Variants in NLRP14 observed in about 807,000 individuals in gnomAD.
NLRP14 encodes the protein NACHT, LRR and PYD domains-containing protein 14.
A neutral mutation model predicts 94.7 loss-of-function variants in NLRP14; 105 were observed. That is an observed-to-expected ratio of 1.11 (90% confidence interval 0.95 to 1.30). The LOEUF is 1.30. Among genes scored for constraint, NLRP14 ranks in the 50% most tolerant of loss-of-function variants. The pLI is 0.00. For synonymous variants in NLRP14, 508 were observed against 459.9 expected (o/e 1.10, Z -1.34); for missense variants, 1,362 against 1,254.1 (o/e 1.09, Z -1.30).
chr11:7,047,317 CG>C (rs372452440), intron 5 of NLRP14, among the ~76,000 whole-genome samples: 27,646 of 59,046 alleles, frequency 0.47, 3,002 homozygotes, highest in Middle Eastern at 0.56. Flanking sequence ...GTACCCCTTT[CG>C]TTTTTTTTTT....
Position 7,043,856 on chromosome 11 carries a change from T to C in NLRP14, c.1830T>C (p.Cys610=). ...TCCCAAAGGTTGCCATTAATATTTG[T>C]GAGAAAATACATTTGCTTGTATCTT... is the stretch of plus-strand genomic sequence containing the variant. ...RCFPKVAINI[C]EKIHLLVSSF... The change falls in exon 4 of 12, where the codon TGT becomes TGC. Residue 610 remains cysteine, a synonymous_variant. Coordinates refer to ENST00000299481, the MANE Select transcript of NLRP14 (RefSeq NM_176822.4). 1 of 1,614,236 alleles carries C rather than the reference T, an allele frequency of 6.2e-7. No homozygotes were observed. Among genetic ancestry groups the C allele is most frequent in the Non-Finnish European group, 8.5e-7 (1 of 1,180,030 alleles).
chr11:7,083,471 T>A, the NLRP14 span, among the ~76,000 whole-genome samples: 1 of 152,200 alleles, frequency 6.6e-6, no homozygotes, highest in Admixed American at 6.5e-5. Flanking sequence ...TTTGCATCTA[T>A]CACATGGTAA....
At chr11:7,025,554 A>G (rs1157520931) in intron 1 of NLRP14, among the ~76,000 whole-genome samples, 1 of 152,208 alleles carries the variant, frequency 6.6e-6, no homozygotes, top group Non-Finnish European at 1.5e-5. Context: ...ATTATTAGTC[A>G]TTATGCTAAA....
At chr11:7,021,232 A>G (rs75009792) in intron 1 of NLRP14, among the ~76,000 whole-genome samples, 5,397 of 152,338 alleles carry the variant, frequency 0.035, 151 homozygotes, top group East Asian at 0.13. Context: ...CAATAATAAT[A>G]GTAACTATGT....
At chr11:7,034,300 C>T (rs1368828809) in intron 1 of NLRP14, among the ~76,000 whole-genome samples, 4 of 152,162 alleles carry the variant, frequency 2.6e-5, no homozygotes, top group Admixed American at 2.6e-4. Flanking sequence ...ATCAGGAGCT[C>T]TTTCTGGTTT....
intron 8 of NLRP14, 80 bp downstream of exon 8, chr11:7,058,530 C>A: frequency 9.4e-7 from 1 of 1,065,528 alleles, no homozygotes; most frequent in Non-Finnish European, 1.4e-6. Context: ...ATTATGAACA[C>A]ATTCTGTCCC....
chr11:7,050,709 A>C (rs547528272), intron 6 of NLRP14, among the ~76,000 whole-genome samples: 1 of 152,288 alleles, frequency 6.6e-6, no homozygotes, highest in Admixed American at 6.5e-5. Flanking sequence ...AAAAACTCTT[A>C]TCGGTTTTTA....
intron 8 of NLRP14, among the ~76,000 whole-genome samples, chr11:7,059,355 T>TA (rs1012863349): frequency 1.6e-4 from 24 of 151,600 alleles, no homozygotes; most frequent in South Asian, 2.1e-4. Context: ...ACCTTTCTTT[T>TA]AAAAAAAATA....
downstream of NLRP14, among the ~76,000 whole-genome samples, chr11:7,073,998 A>C (rs1421493905): frequency 6.6e-6 from 1 of 152,126 alleles, no homozygotes; most frequent in Non-Finnish European, 1.5e-5. Context: ...CCCTTTAATC[A>C]CATGGTTGGT....
At chr11:7,070,571 A>G (rs1215081699) in intron 11 of NLRP14, 115 bp downstream of exon 11, 8 of 722,312 alleles carry the variant, frequency 1.1e-5, no homozygotes, top group Admixed American at 4.5e-5. Context: ...GGTATTTTCT[A>G]GACACTTATT....
At chr11:7,023,357 CAT>C (rs992318425) in intron 1 of NLRP14, among the ~76,000 whole-genome samples, 8 of 144,940 alleles carry the variant, frequency 5.5e-5, no homozygotes, top group Non-Finnish European at 1.2e-4. Flanking sequence ...AATTATATTA[CAT>C]ATATAAATAT....
At chr11:7,039,589 G>C (rs1234690897) in intron 2 of NLRP14, 125 bp from the exon 3 acceptor site, 13 of 816,524 alleles carry the variant, frequency 1.6e-5, no homozygotes, top group East Asian at 7.3e-5. Flanking sequence ...GGCAGCTCTA[G>C]TTTTCTTAAA....
chr11:7,062,560 A>ACCAAATAG, intron 10 of NLRP14, 57 bp downstream of exon 10: 1 of 1,471,068 alleles, frequency 6.8e-7, no homozygotes, highest in Non-Finnish European at 9.5e-7. Flanking sequence ...TAGTATAGCT[A>ACCAAATAG]GAAGATATTT....
the NLRP14 span, among the ~76,000 whole-genome samples, chr11:7,077,262 G>T: frequency 6.6e-6 from 1 of 152,236 alleles, no homozygotes; most frequent in Non-Finnish European, 1.5e-5. Flanking sequence ...CTGGAAAGGA[G>T]GTGACCCCAA....
At chr11:7,073,753 G>A (rs1267117944), downstream of NLRP14, among the ~76,000 whole-genome samples, 2 of 152,208 alleles carry the variant, frequency 1.3e-5, no homozygotes, top group African/African-American at 4.8e-5. Flanking sequence ...ACAGCCATAT[G>A]AAAGAGACAC....
downstream of NLRP14, among the ~76,000 whole-genome samples, chr11:7,076,335 T>G (rs1420286288): frequency 1.3e-5 from 2 of 152,178 alleles, no homozygotes; most frequent in Non-Finnish European, 2.9e-5. Flanking sequence ...CAAAACTAAC[T>G]TTAGTTTTTT....
intron 6 of NLRP14, among the ~76,000 whole-genome samples, chr11:7,053,441 C>T (rs1852471019): frequency 6.9e-6 from 1 of 144,482 alleles, no homozygotes; most frequent in Non-Finnish European, 1.5e-5. Context: ...TTAGTTAACT[C>T]ATTTAAATCA....
intron 6 of NLRP14, among the ~76,000 whole-genome samples, chr11:7,051,190 A>C (rs908027207): frequency 1.3e-5 from 2 of 152,230 alleles, no homozygotes; most frequent in Admixed American, 1.3e-4. Context: ...ATGCTTTGGC[A>C]AAAGTCATCA....
chr11:7,079,375 T>C, the NLRP14 span, among the ~76,000 whole-genome samples: 1 of 152,208 alleles, frequency 6.6e-6, no homozygotes, highest in South Asian at 2.1e-4. Flanking sequence ...ATTCACACCT[T>C]CACTCGTCAT....
Sources: gnomAD v4.1 joint callset for allele counts (sites outside exome capture counted in the v4.1 genomes callset) on GRCh38, gnomAD v4.1.1 for gene constraint, MANE v1.5 for transcripts, NCBI Gene and HGNC (gene_info 2026-07-23, HGNC 2026-07-21) for gene names.